Variants in LIN54 observed in about 807,000 individuals in gnomAD.
The protein encoded by LIN54 is protein lin-54 homolog.
In LIN54, 9 loss-of-function variants were observed where a neutral mutation model predicts 78.7. The ratio of observed to expected loss-of-function variants is 0.11; its 90% CI spans 0.07 to 0.20. LIN54 has a LOEUF of 0.20. Among genes scored for constraint, LIN54 ranks in the 10% least tolerant of loss-of-function variants. LIN54 has a pLI of 1.00. For missense variants in LIN54, 573 were observed against 889.9 expected (o/e 0.64, Z 4.53); for synonymous variants, 269 against 318.4 (o/e 0.84, Z 1.65).
At position 82,928,113 on chromosome 4, in the gene LIN54, T is replaced by C; in HGVS notation, c.2239A>G (p.Met747Val). The C allele has an allele frequency of 6.2e-7, 1 of 1,614,192 alleles. No homozygotes were observed. Among genetic ancestry groups the C allele is most frequent in the African/African-American group, 1.3e-5 (1 of 75,082 alleles). Residue 747 changes from methionine (M) to valine (V), a missense_variant, in exon 13 of 13, where the codon ATG (methionine) becomes GTG (valine). Met to Val is a conservative substitution (Grantham distance 21, BLOSUM62 1). Transcript: ENST00000340417. ...CTTTTGTGCAAGAGTTAGCAATTCATGGCACAAGGGTCACTTTTTGCCTTT... is the reference window on the plus strand; with the variant it reads ...CTTTTGTGCAAGAGTTAGCAATTCACGGCACAAGGGTCACTTTTTGCCTTT... ...AGKAKSDPCA[M>V]NC
chr4:83,009,320 G>C (rs540089416), intron 1 of LIN54, among the ~76,000 whole-genome samples: 1 of 152,274 alleles, frequency 6.6e-6, no homozygotes, highest in East Asian at 1.9e-4. Context: ...ACTCTCTGTA[G>C]ACAATTTGAA....
At chr4:82,931,614 G>A (rs1236587894) in intron 11 of LIN54, among the ~76,000 whole-genome samples, 3 of 152,108 alleles carry the variant, frequency 2.0e-5, no homozygotes, top group Non-Finnish European at 4.4e-5. Flanking sequence ...AATCTGAAGA[G>A]GGAGTTCGGG....
chr4:82,928,768 CA>C (rs1560711246), intron 12 of LIN54, among the ~76,000 whole-genome samples: 2 of 152,102 alleles, frequency 1.3e-5, no homozygotes. Context: ...ATCTCTTCGG[CA>C]AAATGAAAAA....
At chr4:83,005,457 G>A (rs1223785165) in intron 1 of LIN54, among the ~76,000 whole-genome samples, 1 of 152,020 alleles carries the variant, frequency 6.6e-6, no homozygotes, top group Non-Finnish European at 1.5e-5. Context: ...GGCCAACATG[G>A]GGAAAGCCCA....
chr4:82,974,687 C>T (rs904531439), intron 3 of LIN54, among the ~76,000 whole-genome samples: 10 of 151,762 alleles, frequency 6.6e-5, no homozygotes, highest in South Asian at 6.2e-4. Flanking sequence ...CAGTGAGCCA[C>T]GATCGCACCA....
chr4:82,967,455 G>T (rs1415919820), intron 4 of LIN54, among the ~76,000 whole-genome samples: 1 of 152,180 alleles, frequency 6.6e-6, no homozygotes, highest in African/African-American at 2.4e-5. Context: ...GAGGACAGCA[G>T]TTAGGCAAGC....
At chr4:83,006,395 G>A (rs112909643) in intron 1 of LIN54, among the ~76,000 whole-genome samples, 2,664 of 149,460 alleles carry the variant, frequency 0.018, 81 homozygotes, top group African/African-American at 0.062. Context: ...GTTGCAGTGA[G>A]CCAAGATTGC....
At chr4:83,010,923 A>C, upstream of LIN54, 93 of 884,502 alleles carry the variant, frequency 1.1e-4, no homozygotes, top group South Asian at 1.7e-4. Context: ...CAACCTTCAA[A>C]CGCACAAGGG....
chr4:82,971,544 A>G (rs1321114277), intron 3 of LIN54, among the ~76,000 whole-genome samples: 1 of 152,080 alleles, frequency 6.6e-6, no homozygotes, highest in African/African-American at 2.4e-5. Context: ...ATTTAAAAAA[A>G]AAAAACAGGT....
At chr4:82,977,256 A>G (rs777070595) in intron 3 of LIN54, among the ~76,000 whole-genome samples, 26 of 152,126 alleles carry the variant, frequency 1.7e-4, no homozygotes, top group Non-Finnish European at 3.1e-4. Flanking sequence ...ACCTATACAA[A>G]AATCTCCAAG....
chr4:83,006,304 C>T (rs1729354012), intron 1 of LIN54, among the ~76,000 whole-genome samples: 1 of 152,154 alleles, frequency 6.6e-6, no homozygotes, highest in Middle Eastern at 3.4e-3. Context: ...AAAAAATTAG[C>T]CAGACATGCT....
intron 3 of LIN54, among the ~76,000 whole-genome samples, chr4:82,971,480 T>C (rs1337706428): frequency 6.6e-6 from 1 of 152,164 alleles, no homozygotes; most frequent in East Asian, 1.9e-4. Flanking sequence ...AGATACCTTT[T>C]TGAACCCACA....
rs558432501 is a variant in LIN54 at position 82,995,622 on chromosome 4, A to G, written c.-32-10746T>C. Reference sequence around the variant, plus strand: ...GCAATTCTCCTGCCTCTGCCTCCCAAGTAGCTGGGACTACAGGTGCGTGCC... The same window carrying G: ...GCAATTCTCCTGCCTCTGCCTCCCAGGTAGCTGGGACTACAGGTGCGTGCC... On this transcript the variant is annotated intron_variant, in intron 1 of 12. Coordinates refer to ENST00000340417, the MANE Select transcript of LIN54 (RefSeq NM_194282.4). Among the ~76,000 whole-genome samples the G allele has an allele frequency of 1.5e-4, 23 of 150,668 alleles. No homozygotes were observed. In the East Asian group the frequency reaches 3.2e-3, roughly 21 times the overall value.
chr4:82,995,257 G>T (rs767901497), intron 1 of LIN54, among the ~76,000 whole-genome samples: 20 of 152,020 alleles, frequency 1.3e-4, no homozygotes, highest in Non-Finnish European at 2.5e-4. Flanking sequence ...GTATGATAGT[G>T]CCACTGCACT....
At chr4:82,950,395 A>G (rs1723760605) in intron 4 of LIN54, among the ~76,000 whole-genome samples, 1 of 152,240 alleles carries the variant, frequency 6.6e-6, no homozygotes, top group Non-Finnish European at 1.5e-5. Flanking sequence ...AAACTAAGTA[A>G]CATATAAGTT....
At chr4:82,954,486 TG>T (rs1026806295) in intron 4 of LIN54, among the ~76,000 whole-genome samples, 3 of 152,060 alleles carry the variant, frequency 2.0e-5, no homozygotes, top group African/African-American at 7.2e-5. Flanking sequence ...GGTGTGATCT[TG>T]GCTCACTGCA....
chr4:82,950,558 C>T (rs1448009210), intron 4 of LIN54, among the ~76,000 whole-genome samples: 2 of 152,166 alleles, frequency 1.3e-5, no homozygotes, highest in East Asian at 1.9e-4. Context: ...AAACAGTTCA[C>T]GTGCATTCAG....
intron 1 of LIN54, among the ~76,000 whole-genome samples, chr4:83,000,827 C>CTTTTTTTCTTTTTCTT (rs528409899): frequency 8.3e-6 from 1 of 120,540 alleles, no homozygotes; most frequent in African/African-American, 3.2e-5. Flanking sequence ...GCAATAAATT[C>CTTTTTTTCTTTTTCTT]TTTTTTTTTT....
At chr4:82,987,894 C>T (rs896510595) in intron 1 of LIN54, among the ~76,000 whole-genome samples, 1 of 152,134 alleles carries the variant, frequency 6.6e-6, no homozygotes, top group South Asian at 2.1e-4. Flanking sequence ...GGGTACATAC[C>T]CAGTAATGGG....
Sources: allele counts gnomAD v4.1 joint callset (sites outside exome capture counted in the v4.1 genomes callset), GRCh38; gene constraint gnomAD v4.1.1; transcripts MANE v1.5; gene names NCBI Gene and HGNC (gene_info 2026-07-23, HGNC 2026-07-21).